ATG10: variants seen among roughly 807,000 people sequenced by gnomAD.
The protein encoded by ATG10 is autophagy related 10, also known as ubiquitin-like-conjugating enzyme ATG10.
Under a neutral mutation model 32.1 loss-of-function variants are expected in ATG10, and 30 were observed. That is an observed-to-expected ratio of 0.94 (90% CI 0.70 to 1.27). The LOEUF is 1.27. Ranked by LOEUF, ATG10 falls within the 50% of genes most tolerant of loss-of-function variation. The probability of loss-of-function intolerance (pLI) is 0.00; values close to 1 mark genes in which losing one functional copy is unlikely to be tolerated. For synonymous variants in ATG10, 87 were observed against 91.5 expected (o/e 0.95, Z 0.28); for missense variants, 233 against 262.3 (o/e 0.89, Z 0.77).
intron 3 of ATG10, among the ~76,000 whole-genome samples, chr5:82,060,074 C>G (rs1215526900): frequency 6.6e-6 from 1 of 152,162 alleles, no homozygotes; most frequent in Non-Finnish European, 1.5e-5. Flanking sequence ...GGAACTGACA[C>G]TTTCTGGTTG....
chr5:82,002,938 A>G (rs564446019), intron 2 of ATG10, among the ~76,000 whole-genome samples: 3 of 152,328 alleles, frequency 2.0e-5, no homozygotes, highest in Admixed American at 6.5e-5. Flanking sequence ...ACCTAAAATA[A>G]AAGTTCAAAA....
intron 5 of ATG10, among the ~76,000 whole-genome samples, chr5:82,202,934 A>G (rs1345380357): frequency 6.6e-6 from 1 of 152,112 alleles, no homozygotes; most frequent in Non-Finnish European, 1.5e-5. Context: ...GAAAGACAAA[A>G]GAAGTAATGG....
intron 1 of ATG10, among the ~76,000 whole-genome samples, chr5:81,977,281 G>C (rs1257577244): frequency 6.6e-6 from 1 of 152,158 alleles, no homozygotes; most frequent in East Asian, 1.9e-4. Flanking sequence ...TGAGGCCCTA[G>C]AGTTAAATTC....
Position 82,058,557 on chromosome 5 carries a change from A to T in ATG10, c.171A>T (p.Ser57=), listed in dbSNP as rs1377508452. The change falls in exon 3 of 8, where the codon TCA becomes TCT. Residue 57 remains serine (S), a synonymous_variant. Coordinates refer to ENST00000282185, the MANE Select transcript of ATG10 (RefSeq NM_031482.5). ...AAATTAAGAATGGGTCTGTGATGTC[A>T]CATCTAGGAGCATCTACCCATGGAC... ...HFQIKNGSVM[S]HLGASTHGQT... is the part of the protein sequence containing the mutation. The T allele has an allele frequency of 6.2e-7, 1 of 1,613,320 alleles. No individual in the cohort carries two copies. The highest frequency in any genetic ancestry group is 1.1e-5 in the South Asian group (1 of 91,024).
At chr5:82,165,881 G>T (rs1003787352) in intron 4 of ATG10, among the ~76,000 whole-genome samples, 14 of 152,154 alleles carry the variant, frequency 9.2e-5, no homozygotes, top group Admixed American at 6.5e-4. Context: ...CGAGGCTGCA[G>T]GTAGAGGAAA....
intron 3 of ATG10, among the ~76,000 whole-genome samples, chr5:82,097,780 T>A (rs1024117189): frequency 6.6e-6 from 1 of 152,152 alleles, no homozygotes; most frequent in African/African-American, 2.4e-5. Context: ...ATTGTAAAAT[T>A]GGGGTGTCAT....
intron 2 of ATG10, among the ~76,000 whole-genome samples, chr5:82,023,181 T>C: frequency 6.6e-6 from 1 of 152,042 alleles, no homozygotes; most frequent in East Asian, 1.9e-4. Flanking sequence ...CTAAATTTGT[T>C]CTAAGGAAAA....
intron 5 of ATG10, among the ~76,000 whole-genome samples, chr5:82,222,090 C>T (rs1465471354): frequency 6.6e-6 from 1 of 152,166 alleles, no homozygotes; most frequent in African/African-American, 2.4e-5. Flanking sequence ...TACTCTCTCC[C>T]CAGTGTTATA....
chr5:82,082,379 C>T (rs1386278412), intron 3 of ATG10, among the ~76,000 whole-genome samples: 2 of 152,094 alleles, frequency 1.3e-5, no homozygotes, highest in African/African-American at 4.8e-5. Flanking sequence ...ACCTAAACAC[C>T]TACTTTCTTA....
intron 1 of ATG10, among the ~76,000 whole-genome samples, chr5:81,974,978 C>T (rs947273605): frequency 6.6e-6 from 1 of 152,140 alleles, no homozygotes; most frequent in Non-Finnish European, 1.5e-5. Context: ...TGAAATCTAA[C>T]TACTGTAGGG....
At chr5:82,123,147 A>T (rs909059859) in intron 3 of ATG10, among the ~76,000 whole-genome samples, 1 of 152,226 alleles carries the variant, frequency 6.6e-6, no homozygotes, top group Non-Finnish European at 1.5e-5. Flanking sequence ...AAGAAGATGT[A>T]GTACATATAC....
At chr5:82,084,336 A>G (rs1291543053) in intron 3 of ATG10, among the ~76,000 whole-genome samples, 1 of 152,242 alleles carries the variant, frequency 6.6e-6, no homozygotes, top group Non-Finnish European at 1.5e-5. Flanking sequence ...ACTATGTGAA[A>G]ATACCAAATC....
At chr5:82,068,093 C>T (rs1050345798) in intron 3 of ATG10, among the ~76,000 whole-genome samples, 3 of 151,998 alleles carry the variant, frequency 2.0e-5, no homozygotes, top group African/African-American at 7.3e-5. Flanking sequence ...ATACATTTTC[C>T]CCATTTCTTT....
intron 3 of ATG10, among the ~76,000 whole-genome samples, chr5:82,088,897 G>A (rs890843378): frequency 6.6e-6 from 1 of 152,126 alleles, no homozygotes; most frequent in Non-Finnish European, 1.5e-5. Flanking sequence ...TCCTATCAAA[G>A]TCTAATAAAA....
At chr5:82,135,236 C>G (rs542927872) in intron 3 of ATG10, among the ~76,000 whole-genome samples, 2 of 152,104 alleles carry the variant, frequency 1.3e-5, no homozygotes, top group African/African-American at 2.4e-5. Context: ...CAGTTCTGCT[C>G]TGATCTTAGT....
At chr5:81,981,935 T>A (rs1160330308) in intron 1 of ATG10, among the ~76,000 whole-genome samples, 1 of 152,228 alleles carries the variant, frequency 6.6e-6, no homozygotes, top group Non-Finnish European at 1.5e-5. Context: ...TGGAAAGATA[T>A]ATTTGAACAG....
At chr5:82,152,587 G>C (rs1272380540) in intron 3 of ATG10, among the ~76,000 whole-genome samples, 1 of 152,188 alleles carries the variant, frequency 6.6e-6, no homozygotes, top group Non-Finnish European at 1.5e-5. Flanking sequence ...AGGGTAGAGG[G>C]CCAGCCAAGG....
chr5:82,180,939 T>C (rs1176762157), intron 5 of ATG10, among the ~76,000 whole-genome samples: 1 of 152,184 alleles, frequency 6.6e-6, no homozygotes, highest in Non-Finnish European at 1.5e-5. Flanking sequence ...GACATAGATT[T>C]CTTTTTATTG....
At chr5:82,096,967 C>G (rs1765088799) in intron 3 of ATG10, among the ~76,000 whole-genome samples, 1 of 152,116 alleles carries the variant, frequency 6.6e-6, no homozygotes, top group South Asian at 2.1e-4. Flanking sequence ...TCAGTTACCT[C>G]AAGGTTAAGG....
Sources: allele counts gnomAD v4.1 joint callset (sites outside exome capture counted in the v4.1 genomes callset), GRCh38; gene constraint gnomAD v4.1.1; transcripts MANE v1.5; gene names NCBI Gene and HGNC (gene_info 2026-07-23, HGNC 2026-07-21).